The following FADS3 variants were observed in gnomAD, a reference collection of about 807,000 sequenced individuals.
FADS3 encodes cytochrome b5-related protein.
A neutral mutation model predicts 60.4 loss-of-function variants in FADS3; 30 were observed. The observed-to-expected ratio is 0.50, with a 90% CI of 0.37 to 0.67. The LOEUF is 0.67. FADS3 is among the 30% of genes least tolerant of loss of function. The pLI is 0.00. For missense variants in FADS3, 432 were observed against 598.3 expected (o/e 0.72, Z 2.90); for synonymous variants, 234 against 249.3 (o/e 0.94, Z 0.58).
chr11:61,889,823 C>T lies in FADS3; in HGVS notation c.213+1346G>A, dbSNP rs527693245. On this transcript the variant is annotated intron_variant, in intron 1 of 11. Transcript: ENST00000278829. The stretch of plus-strand genomic sequence containing the variant: ...CCAGCCCGAGCAACATAGTGAGACC[C>T]TGTCTCTATTTTTAAACAAATAATA... Among the ~76,000 whole-genome samples, 96 of 152,324 alleles carry T rather than the reference C, an allele frequency of 6.3e-4. 1 individual carries two copies. The highest frequency in any genetic ancestry group is 2.3e-3 in the African/African-American group (95 of 41,568).
At position 61,876,549 on chromosome 11, in the gene FADS3, C is replaced by A; in HGVS notation, c.984-94G>T. The A allele has an allele frequency of 2.1e-6, 2 of 958,660 alleles. No homozygotes were observed. The highest frequency in any genetic ancestry group is 3.4e-6 in the Non-Finnish European group (2 of 594,408). 59.4% of individuals were successfully genotyped at this position (958,660 alleles called of 1,614,324 possible). A position where few individuals can be genotyped will look rare whatever the true frequency, so the allele number is the denominator to read the frequency against. Reference sequence around the variant, plus strand: ...AGCAGCTGTCCCCAAGTGGCCTTGACTTCCTTATCTGTACAATAGGATTGT... The same window carrying A: ...AGCAGCTGTCCCCAAGTGGCCTTGAATTCCTTATCTGTACAATAGGATTGT... On this transcript the variant is annotated intron_variant, in intron 8 of 11. Transcript: ENST00000278829. The surrounding 1 kb of genome is among the most constrained non-coding windows in gnomAD (Gnocchi z 5.7).
rs1353780645 is a variant in FADS3, at chr11:61,891,347, C to T, written c.35G>A (p.Gly12Glu). ...CAGCGGCGCCCCCGGCTGCGCGGGT[C>T]CCTCCCGCGGTCCCGGCTCCCCGAC... ...GGVGEPGPREGPAQPGAPLPT... is the reference protein window; with the variant it reads ...GGVGEPGPREEPAQPGAPLPT... The change falls in exon 1 of 12, where the codon GGA becomes GAA. Residue 12 changes from glycine to glutamate, a missense_variant. Gly to Glu is a moderately conservative substitution (Grantham distance 98, BLOSUM62 -2). This residue lies in a region of FADS3 where 167 missense variants were observed against 188.8 expected (regional missense o/e 0.88). Coordinates refer to ENST00000278829, the MANE Select transcript of FADS3 (RefSeq NM_021727.5). 5 of 1,505,282 alleles carry T rather than the reference C, an allele frequency of 3.3e-6. No individual in the cohort carries two copies. In the African/African-American group the frequency reaches 7.1e-5, roughly 21 times the overall value. 93.2% of individuals were successfully genotyped at this position (1,505,282 alleles called of 1,614,324 possible).
Position 61,891,442 on chromosome 11 carries a change from G to T in FADS3, c.-61C>A, listed in dbSNP as rs1938512340. ...GCCGAGGTCCGAGCAAGACCCCGAG[G>T]GAAGCGAAGAGCGCTCCCGGGCGCC... On this transcript the variant is annotated 5_prime_UTR_variant, in exon 1 of 12. Coordinates refer to ENST00000278829, the MANE Select transcript of FADS3 (RefSeq NM_021727.5). 1 of 1,234,656 alleles carries T rather than the reference G, an allele frequency of 8.1e-7. No individual in the cohort carries two copies. The highest frequency in any genetic ancestry group is 1.0e-6 in the Non-Finnish European group (1 of 964,576). 76.5% of individuals were successfully genotyped at this position (1,234,656 alleles called of 1,614,324 possible). A position where few individuals can be genotyped will look rare whatever the true frequency, so the allele number is the denominator to read the frequency against.
chr11:61,876,513 G>A lies in FADS3; in HGVS notation c.984-58C>T. The A allele has an allele frequency of 1.4e-6, 2 of 1,395,630 alleles. No homozygotes were observed. The highest frequency in any genetic ancestry group is 1.4e-5 in the African/African-American group (1 of 70,856). 86.5% of individuals were successfully genotyped at this position (1,395,630 alleles called of 1,614,324 possible). On this transcript the variant is annotated intron_variant, in intron 8 of 11. Transcript: ENST00000278829. The surrounding 1 kb of genome is among the most constrained non-coding windows in gnomAD (Gnocchi z 5.7). ...AGCTCACCACTTAGGCACCCTGAGT[G>A]GAGGCTGGAGAGCAGCTGTCCCCAA...
At chr11:61,890,799 C>G (rs1391568973) in intron 1 of FADS3, among the ~76,000 whole-genome samples, 1 of 152,208 alleles carries the variant, frequency 6.6e-6, no homozygotes, top group Non-Finnish European at 1.5e-5. Context: ...GGGACCCTGC[C>G]CTGCCCTACC....
intron 11 of FADS3, among the ~76,000 whole-genome samples, chr11:61,875,602 C>T (rs6591666): frequency 0.97 from 148,074 of 152,260 alleles, 72,136 homozygotes; most frequent in East Asian, 1. Flanking sequence ...CTGTTAGCTT[C>T]TTTCCCTCAG....
chr11:61,877,370 A>C lies in FADS3; in HGVS notation c.885+141T>G, dbSNP rs540797456. ...TGCTGCGCGCACACATGTGAGCCAC[A>C]CTGTTGCACGCATACATGTGAGCCA... On this transcript the variant is annotated intron_variant, in intron 7 of 11. Coordinates refer to ENST00000278829, the MANE Select transcript of FADS3 (RefSeq NM_021727.5). This position sits in a 1 kb window ranked among gnomAD's most constrained non-coding sequence, Gnocchi z 4.7. The C allele has an allele frequency of 4.5e-6, 3 of 659,576 alleles. No homozygotes were observed. In the East Asian group the frequency reaches 1.0e-4, roughly 22 times the overall value. 40.9% of individuals were successfully genotyped at this position (659,576 alleles called of 1,614,324 possible). A position where few individuals can be genotyped will look rare whatever the true frequency, so the allele number is the denominator to read the frequency against.
intron 1 of FADS3, chr11:61,880,899 C>T (rs1938107061): frequency 6.6e-6 from 1 of 152,324 alleles, no homozygotes; most frequent in African/African-American, 2.4e-5. Flanking sequence ...AAACTCCTGA[C>T]CCCAGGTGGC....
Position 61,876,105 on chromosome 11 carries a change from A to C in FADS3, c.1160+6T>G. 2 of 1,588,632 alleles carry C rather than the reference A, an allele frequency of 1.3e-6. No homozygotes were observed. Among genetic ancestry groups the C allele is most frequent in the South Asian group, 1.1e-5 (1 of 90,026 alleles). On this transcript the variant is annotated splice_donor_region_variant and intron_variant, in intron 10 of 11. Transcript: ENST00000278829. This position sits in a 1 kb window ranked among gnomAD's most constrained non-coding sequence, Gnocchi z 5.7. ...CCTCCCACTGGCCCCCAGCACCCAC[A>C]CTCACTGGTGCTCGATCTGGAAGTT...
chr11:61,885,366 T>G (rs894442748), intron 1 of FADS3, among the ~76,000 whole-genome samples: 6 of 151,976 alleles, frequency 3.9e-5, no homozygotes, highest in African/African-American at 1.5e-4. Context: ...GAACCACAAA[T>G]CCCCATCTCA....
In FADS3 at chr11:61,876,256, C is replaced by T. The variant is rs1250857293; in HGVS notation, c.1081-66G>A. ...AGATCCCTGACCCCACGGCACCATC[C>T]CCCACCTGGCAGCCCCGTCAGGGCC... On this transcript the variant is annotated intron_variant, in intron 9 of 11. Coordinates refer to ENST00000278829, the MANE Select transcript of FADS3 (RefSeq NM_021727.5). The surrounding 1 kb of genome is among the most constrained non-coding windows in gnomAD (Gnocchi z 5.7). 1.5e-5 allele frequency: 23 copies of T among 1,573,046 alleles called. No individual in the cohort carries two copies. Among genetic ancestry groups the T allele is most frequent in the Non-Finnish European group, 2.0e-5 (23 of 1,156,760 alleles).
At chr11:61,875,682 T>C (rs900861566) in intron 11 of FADS3, among the ~76,000 whole-genome samples, 169 bp downstream of exon 11, 2 of 152,194 alleles carry the variant, frequency 1.3e-5, no homozygotes, top group Non-Finnish European at 2.9e-5. Flanking sequence ...CAGTAGGTGC[T>C]CCAGAAATTC....
At chr11:61,879,706 T>C (rs945265073) in intron 2 of FADS3, among the ~76,000 whole-genome samples, 197 bp from the exon 3 acceptor site, 63 of 152,224 alleles carry the variant, frequency 4.1e-4, no homozygotes, top group African/African-American at 1.5e-3. Flanking sequence ...CCAAAAGGTA[T>C]GGGGTGGGTA....
intron 1 of FADS3, among the ~76,000 whole-genome samples, chr11:61,890,794 C>T (rs1479150241): frequency 1.3e-5 from 2 of 152,192 alleles, no homozygotes; most frequent in African/African-American, 4.8e-5. Context: ...CCCTGGGGAC[C>T]CTGCCCTGCC....
Position 61,876,692 on chromosome 11 carries a change from TA to T in FADS3, c.983+173del. 1 of 706,950 alleles carries T rather than the reference TA, an allele frequency of 1.4e-6. No individual in the cohort carries two copies. Among genetic ancestry groups the T allele is most frequent in the Non-Finnish European group, 2.5e-6 (1 of 404,510 alleles). The allele number at this position is 706,950 out of a possible 1,614,324, so 43.8% of individuals were successfully genotyped here. ...CACTTACAAGCCAGGCCACGCTCCC[TA>T]AACCCACCGACCCTGGGCTCCTGCC... On this transcript the variant is annotated intron_variant, in intron 8 of 11. Coordinates refer to ENST00000278829, the MANE Select transcript of FADS3 (RefSeq NM_021727.5). The surrounding 1 kb of genome is among the most constrained non-coding windows in gnomAD (Gnocchi z 5.7).
Position 61,877,382 on chromosome 11 carries a change from A to G in FADS3, c.885+129T>C, listed in dbSNP as rs1290003812. 4 of 769,630 alleles carry G rather than the reference A, an allele frequency of 5.2e-6. No homozygotes were observed. The highest frequency in any genetic ancestry group is 6.4e-6 in the Non-Finnish European group (3 of 470,166). The allele number at this position is 769,630 out of a possible 1,614,324, so 47.7% of individuals were successfully genotyped here. A position where few individuals can be genotyped will look rare whatever the true frequency, so the allele number is the denominator to read the frequency against. ...ACATGTGAGCCACACTGTTGCACGC[A>G]TACATGTGAGCCACACTGTTGCACG... On this transcript the variant is annotated intron_variant, in intron 7 of 11. Transcript: ENST00000278829. This position sits in a 1 kb window ranked among gnomAD's most constrained non-coding sequence, Gnocchi z 4.7.
intron 2 of FADS3, 116 bp from the exon 3 acceptor site, chr11:61,879,625 T>C (rs1180563910): frequency 1.9e-6 from 2 of 1,040,158 alleles, no homozygotes; most frequent in Non-Finnish European, 2.8e-6. Flanking sequence ...CAAAGAGGAA[T>C]GAAGTGACAA....
At chr11:61,885,779 G>C in intron 1 of FADS3, among the ~76,000 whole-genome samples, 1 of 152,220 alleles carries the variant, frequency 6.6e-6, no homozygotes, top group Middle Eastern at 3.4e-3. Context: ...GTCTGTCCTC[G>C]CTGCCTTCTC....
chr11:61,879,930 C>T (rs1938064792), intron 2 of FADS3, 111 bp downstream of exon 2: 7 of 828,814 alleles, frequency 8.4e-6, no homozygotes, highest in Non-Finnish European at 1.3e-5. Context: ...GGCTCTGCAT[C>T]CCCTTGGGCG....
Sources: gnomAD v4.1 joint callset for allele counts (sites outside exome capture counted in the v4.1 genomes callset) on GRCh38, gnomAD v4.1.1 for gene constraint, gnomAD v4.1.1 regional missense constraint, Gnocchi (gnomAD v3.1) non-coding constraint, MANE v1.5 for transcripts, NCBI Gene and HGNC (gene_info 2026-07-23, HGNC 2026-07-21) for gene names.